GLIS1: variants seen among roughly 807,000 people sequenced by gnomAD.
GLIS1 encodes the protein GLIS family zinc finger 1.
Under a neutral mutation model 63.8 loss-of-function variants are expected in GLIS1, and 24 were observed. The ratio of observed to expected loss-of-function variants is 0.38; its 90% CI spans 0.27 to 0.53. GLIS1 has a LOEUF of 0.53. GLIS1 is among the 20% of genes least tolerant of loss of function. The probability of loss-of-function intolerance (pLI) is 0.85; values close to 1 mark genes in which losing one functional copy is unlikely to be tolerated. For missense variants in GLIS1, 1,036 were observed against 1,074.1 expected (o/e 0.96, Z 0.50); for synonymous variants, 450 against 482.5 (o/e 0.93, Z 0.88).
At chr1:53,665,264 C>G (rs1646078808) in intron 2 of GLIS1, among the ~76,000 whole-genome samples, 2 of 152,028 alleles carry the variant, frequency 1.3e-5, no homozygotes, top group African/African-American at 4.8e-5. Context: ...CAAGGGGACT[C>G]CAAAGCTTCT....
rs1430415224 is a variant in GLIS1, at chr1:53,679,350, A to C, written c.259+58456T>G. Among the ~76,000 whole-genome samples the C allele has an allele frequency of 3.3e-5, 5 of 152,336 alleles. No homozygotes were observed. In the East Asian group the frequency reaches 9.6e-4, roughly 29 times the overall value. On this transcript the variant is annotated intron_variant, in intron 2 of 10. Coordinates refer to ENST00000628545, the MANE Select transcript of GLIS1 (RefSeq NM_001367484.1). ...CATTTCAAGAAGATTGTATTGTTGA[A>C]TTTACTGTTTGTTTACTGAGACAAT...
At chr1:53,680,910 C>G (rs969247828) in intron 2 of GLIS1, among the ~76,000 whole-genome samples, 1 of 152,198 alleles carries the variant, frequency 6.6e-6, no homozygotes, top group Non-Finnish European at 1.5e-5. Context: ...TTCACTGTGC[C>G]CAAGGTGAAC....
chr1:53,718,720 G>A (rs1259740206), intron 2 of GLIS1, among the ~76,000 whole-genome samples: 1 of 152,100 alleles, frequency 6.6e-6, no homozygotes, highest in Non-Finnish European at 1.5e-5. Context: ...TAGAAAGTCT[G>A]TGGAAGTCTG....
chr1:53,666,747 C>A (rs1646095135), intron 2 of GLIS1, among the ~76,000 whole-genome samples: 1 of 152,098 alleles, frequency 6.6e-6, no homozygotes, highest in Non-Finnish European at 1.5e-5. Context: ...CCTCTACTCA[C>A]CAAATCCCTT....
intron 2 of GLIS1, among the ~76,000 whole-genome samples, chr1:53,701,141 G>A (rs1387541179): frequency 6.6e-6 from 1 of 152,220 alleles, no homozygotes; most frequent in African/African-American, 2.4e-5. Flanking sequence ...AAACCTAGGA[G>A]TGTAGCTGGG....
intron 2 of GLIS1, among the ~76,000 whole-genome samples, chr1:53,724,996 T>C (rs1483533332): frequency 6.6e-6 from 1 of 152,156 alleles, no homozygotes; most frequent in East Asian, 1.9e-4. Flanking sequence ...TAGTTTTCTC[T>C]ACCCCACCCC....
chr1:53,522,786 T>C (rs1644423102), intron 6 of GLIS1, among the ~76,000 whole-genome samples: 1 of 151,904 alleles, frequency 6.6e-6, no homozygotes. Context: ...GCAGTAAGCA[T>C]GCCTGTAGTC....
intron 2 of GLIS1, among the ~76,000 whole-genome samples, chr1:53,667,464 C>T (rs140340360): frequency 3.9e-5 from 6 of 152,348 alleles, no homozygotes; most frequent in African/African-American, 1.4e-4. Flanking sequence ...GGGGCTTCAC[C>T]TATGGCTCAA....
intron 2 of GLIS1, among the ~76,000 whole-genome samples, chr1:53,719,314 T>C (rs1486408818): frequency 6.6e-6 from 1 of 152,214 alleles, no homozygotes; most frequent in Non-Finnish European, 1.5e-5. Flanking sequence ...CCTTCTCTCT[T>C]GAGTTGAGGT....
intron 4 of GLIS1, among the ~76,000 whole-genome samples, chr1:53,555,994 T>C (rs1031876623): frequency 2.1e-5 from 3 of 145,774 alleles, no homozygotes; most frequent in African/African-American, 7.7e-5. Context: ...TGTGTGTGTG[T>C]GCAGGTATAC....
At chr1:53,670,111 T>C (rs1646135792) in intron 2 of GLIS1, among the ~76,000 whole-genome samples, 1 of 152,228 alleles carries the variant, frequency 6.6e-6, no homozygotes, top group African/African-American at 2.4e-5. Flanking sequence ...AGGATCCTAT[T>C]TCTGGACTGG....
intron 2 of GLIS1, among the ~76,000 whole-genome samples, chr1:53,691,472 G>A (rs1232637396): frequency 2.6e-5 from 4 of 152,202 alleles, no homozygotes; most frequent in Non-Finnish European, 5.9e-5. Flanking sequence ...CACTGGAGAT[G>A]ATGAGGACCC....
At chr1:53,597,209 A>C (rs1271219641) in intron 3 of GLIS1, among the ~76,000 whole-genome samples, 2 of 131,528 alleles carry the variant, frequency 1.5e-5, no homozygotes, top group South Asian at 2.5e-4. Flanking sequence ...AAAAAAAAAA[A>C]AACACTACAA....
At chr1:53,708,176 A>G (rs927204280) in intron 2 of GLIS1, among the ~76,000 whole-genome samples, 26 of 152,048 alleles carry the variant, frequency 1.7e-4, no homozygotes, top group African/African-American at 4.6e-4. Context: ...CCAGCTACTC[A>G]GGAGGCTGAG....
chr1:53,634,532 G>A (rs1645702641), intron 2 of GLIS1, among the ~76,000 whole-genome samples: 1 of 152,124 alleles, frequency 6.6e-6, no homozygotes, highest in Non-Finnish European at 1.5e-5. Flanking sequence ...GACAAAATGA[G>A]GCCTGAGAAT....
chr1:53,705,719 G>C (rs1425705043), intron 2 of GLIS1, among the ~76,000 whole-genome samples: 1 of 152,198 alleles, frequency 6.6e-6, no homozygotes, highest in East Asian at 1.9e-4. Context: ...GGCAGAAGAA[G>C]GGAGGAAAGG....
chr1:53,632,004 G>A (rs75006288), intron 2 of GLIS1, among the ~76,000 whole-genome samples: 2,234 of 151,328 alleles, frequency 0.015, 65 homozygotes, highest in African/African-American at 0.051. Flanking sequence ...ACTAAGGGGC[G>A]TGTGAATGAG....
Position 53,578,617 on chromosome 1 carries a change from T to C in GLIS1, c.1320+15491A>G, listed in dbSNP as rs138710826. 7.4e-4 allele frequency among the ~76,000 whole-genome samples: 113 copies of C among 152,364 alleles called. 1 individual carries two copies. Among genetic ancestry groups the C allele is most frequent in the African/African-American group, 2.5e-3 (106 of 41,594 alleles). ...TCAAAAAGAATCCTGTATCAACAAG[T>C]TGCCCTCTTTGCTTTGGCTACCAGG... On this transcript the variant is annotated intron_variant, in intron 4 of 10. Coordinates refer to ENST00000628545, the MANE Select transcript of GLIS1 (RefSeq NM_001367484.1).
chr1:53,660,056 C>G (rs1194577553), intron 2 of GLIS1, among the ~76,000 whole-genome samples: 1 of 152,190 alleles, frequency 6.6e-6, no homozygotes, highest in Non-Finnish European at 1.5e-5. Flanking sequence ...AAGGTCCCGG[C>G]CAGCTCAACA....
Sources: allele counts gnomAD v4.1 joint callset (sites outside exome capture counted in the v4.1 genomes callset), GRCh38; gene constraint gnomAD v4.1.1; transcripts MANE v1.5; gene names NCBI Gene and HGNC (gene_info 2026-07-23, HGNC 2026-07-21).